CPT1A: variants seen among roughly 807,000 people sequenced by gnomAD.
CPT1A encodes the protein carnitine palmitoyltransferase 1A, also known as carnitine O-palmitoyltransferase 1, liver isoform.
A neutral mutation model predicts 100.8 loss-of-function variants in CPT1A; 64 were observed. The ratio of observed to expected loss-of-function variants is 0.63; its 90% CI spans 0.52 to 0.78. The LOEUF (loss-of-function observed/expected upper bound fraction) is 0.78. Among genes scored for constraint, CPT1A ranks in the 30% least tolerant of loss-of-function variants. The probability of loss-of-function intolerance (pLI) is 0.00; values close to 1 mark genes in which losing one functional copy is unlikely to be tolerated. For missense variants in CPT1A, 802 were observed against 1,034.1 expected (o/e 0.78, Z 3.08); for synonymous variants, 363 against 396.0 (o/e 0.92, Z 0.99).
At chr11:68,828,650 A>C (rs1856803065) in intron 1 of CPT1A, among the ~76,000 whole-genome samples, 1 of 152,206 alleles carries the variant, frequency 6.6e-6, no homozygotes, top group Non-Finnish European at 1.5e-5. Flanking sequence ...CAGGCCACCA[A>C]CACTGGGCAG....
rs143537796 is a variant in CPT1A at position 68,756,500 on chromosome 11, C to A, written c.*1144G>T. ...TGAGCCGGCATACTGTCTCCATCAC[C>A]CTCTGGTGAGTCTTTCCCCTCACCG... On this transcript the variant is annotated 3_prime_UTR_variant, in exon 19 of 19. Transcript: ENST00000265641. 6.6e-6 allele frequency: 1 copy of A among 152,354 alleles called. No individual in the cohort carries two copies. The highest frequency in any genetic ancestry group is 2.4e-5 in the African/African-American group (1 of 41,574). 9.4% of individuals were successfully genotyped at this position (152,354 alleles called of 1,614,324 possible).
chr11:68,843,581 T>C (rs1248859476), upstream of CPT1A, among the ~76,000 whole-genome samples: 1 of 152,202 alleles, frequency 6.6e-6, no homozygotes, highest in African/African-American at 2.4e-5. This position sits in a 1 kb window ranked among gnomAD's most constrained non-coding sequence, Gnocchi z 4.0. Flanking sequence ...GATTATGGAT[T>C]ATTTTAATCT....
At chr11:68,771,066 C>A (rs1854974664) in intron 14 of CPT1A, among the ~76,000 whole-genome samples, 1 of 152,198 alleles carries the variant, frequency 6.6e-6, no homozygotes, top group African/African-American at 2.4e-5. Context: ...CATTCCCACA[C>A]CTGGGCCACG....
Position 68,794,882 on chromosome 11 carries a change from A to C in CPT1A, c.801T>G (p.Ile267Met), listed in dbSNP as rs1276967795. ...TGGCGTTGCCGGCTCTTGCTGCCTG[A>C]ATGTGAGTTGGAAGGATATACAGCA... ...MDLLYILPTH[I>M]QAARAGNAIH... The change falls in exon 8 of 19, where the codon ATT becomes ATG. Residue 267 changes from isoleucine to methionine, a missense_variant. Physicochemically the swap from Ile to Met is conservative, Grantham distance 10. Transcript: ENST00000265641. 2.5e-6 allele frequency: 4 copies of C among 1,614,206 alleles called. No homozygotes were observed. The highest frequency in any genetic ancestry group is 3.4e-6 in the Non-Finnish European group (4 of 1,180,030).
intron 4 of CPT1A, among the ~76,000 whole-genome samples, chr11:68,807,255 G>A (rs1856069616): frequency 6.6e-6 from 1 of 152,154 alleles, no homozygotes; most frequent in Non-Finnish European, 1.5e-5. Flanking sequence ...AATGCTGCAG[G>A]TCTCACTAAT....
intron 14 of CPT1A, 105 bp from the exon 15 acceptor site, chr11:68,762,866 A>T: frequency 6.8e-7 from 1 of 1,466,708 alleles, no homozygotes; most frequent in Non-Finnish European, 9.4e-7. Context: ...CTTCATTGTC[A>T]ACATTTTTTT....
At chr11:68,829,018 T>A (rs1014463224) in intron 1 of CPT1A, among the ~76,000 whole-genome samples, 8 of 152,116 alleles carry the variant, frequency 5.3e-5, no homozygotes, top group Non-Finnish European at 1.2e-4. Flanking sequence ...TCCAAGCACG[T>A]CTTCACCCAG....
At position 68,829,524 on chromosome 11, in the gene CPT1A, G is replaced by A. The variant is rs77320030; in HGVS notation, c.-14+12251C>T. On this transcript the variant is annotated intron_variant, in intron 1 of 18. Transcript: ENST00000265641. ...GGCTAGAGGAGAGAACGCTTTTACT[G>A]GAAAGGCAGAAAAGAGGAGGAAGAA... is the stretch of plus-strand genomic sequence containing the variant. Among the ~76,000 whole-genome samples the A allele has an allele frequency of 2.6e-5, 4 of 152,234 alleles. No homozygotes were observed. In the East Asian group the frequency reaches 7.7e-4, roughly 29 times the overall value.
Position 68,795,458 on chromosome 11 carries a change from G to A in CPT1A, c.772-547C>T, listed in dbSNP as rs367602538. Among the ~76,000 whole-genome samples, 18 of 152,224 alleles carry A rather than the reference G, an allele frequency of 1.2e-4. No individual in the cohort carries two copies. In the South Asian group the frequency reaches 3.1e-3, roughly 26 times the overall value. ...GGGAAATAAACAAAGGTCTCCTGGC[G>A]GGAAGGGCATCAGATAAATAGCTCA... On this transcript the variant is annotated intron_variant, in intron 7 of 18. Coordinates refer to ENST00000265641, the MANE Select transcript of CPT1A (RefSeq NM_001876.4).
At chr11:68,784,768 C>T (rs754773844) in intron 10 of CPT1A, 47 bp downstream of exon 10, 109 of 1,563,384 alleles carry the variant, frequency 7.0e-5, no homozygotes, top group Middle Eastern at 2.0e-4. Context: ...TGAGGAAGAG[C>T]GCCTCCACCA....
intron 5 of CPT1A, among the ~76,000 whole-genome samples, chr11:68,802,261 G>A (rs1054503264): frequency 2.6e-5 from 4 of 151,878 alleles, no homozygotes; most frequent in Admixed American, 1.3e-4. Context: ...ATGGTTAACA[G>A]TACAATTCAT....
chr11:68,756,112 C>CAAAAAAAA lies in CPT1A; in HGVS notation c.*1524_*1531dup. The CAAAAAAAA allele has an allele frequency of 2.4e-5, 2 of 82,056 alleles. 1 individual carries two copies. The allele number at this position is 82,056 out of a possible 1,614,324, so 5.1% of individuals were successfully genotyped here. On this transcript the variant is annotated 3_prime_UTR_variant, in exon 19 of 19. Coordinates refer to ENST00000265641, the MANE Select transcript of CPT1A (RefSeq NM_001876.4). Reference sequence around the variant, plus strand: ...GGGCAACAAGAGTGAAACTCCATCTCAAAAAAAAAAAAAAAAAAAAAGGCA... The same window carrying CAAAAAAAA: ...GGGCAACAAGAGTGAAACTCCATCTCAAAAAAAAAAAAAAAAAAAAAAAAAAAAAGGCA...
chr11:68,761,901 G>A (rs1339319001), intron 15 of CPT1A, among the ~76,000 whole-genome samples: 3 of 151,374 alleles, frequency 2.0e-5, no homozygotes, highest in Admixed American at 6.6e-5. Flanking sequence ...GTGAGTCACC[G>A]CGCCCGGTCT....
intron 9 of CPT1A, among the ~76,000 whole-genome samples, chr11:68,788,358 GGAGGCC>G (rs1855519065): frequency 6.6e-6 from 1 of 152,160 alleles, no homozygotes; most frequent in African/African-American, 2.4e-5. Context: ...CAGCACTTTG[GGAGGCC>G]GAGGCGGGCG....
intron 4 of CPT1A, among the ~76,000 whole-genome samples, chr11:68,807,054 G>A (rs1856065405): frequency 6.6e-6 from 1 of 152,200 alleles, no homozygotes; most frequent in African/African-American, 2.4e-5. Context: ...CCCTTGGGCT[G>A]AGGGCCAAAG....
intron 1 of CPT1A, chr11:68,839,537 A>G (rs1038754979): frequency 7.2e-5 from 71 of 985,306 alleles, no homozygotes; most frequent in Non-Finnish European, 8.2e-5. Context: ...CGACAGCGGG[A>G]GAAATGCAAC....
rs921082273 is a variant in CPT1A, at chr11:68,841,325, A to G, written c.-14+450T>C. On this transcript the variant is annotated intron_variant, in intron 1 of 18. Coordinates refer to ENST00000265641, the MANE Select transcript of CPT1A (RefSeq NM_001876.4). The surrounding 1 kb of genome is among the most constrained non-coding windows in gnomAD (Gnocchi z 6.3). The stretch of plus-strand genomic sequence containing the variant: ...CGAAGGCATCCTGGAAAGCATCCAG[A>G]GCGTCCAGCATCCCTCCCGCGGCCA... 6.6e-6 allele frequency among the ~76,000 whole-genome samples: 1 copy of G among 151,168 alleles called. No homozygotes were observed. The highest frequency in any genetic ancestry group is 2.1e-4 in the South Asian group (1 of 4,794).
intron 9 of CPT1A, among the ~76,000 whole-genome samples, chr11:68,792,294 G>A (rs1212772055): frequency 2.6e-5 from 4 of 152,018 alleles, no homozygotes; most frequent in East Asian, 1.9e-4. Context: ...CCGAGATCGC[G>A]CCACTGCACT....
At chr11:68,776,254 C>A (rs1855136896) in intron 12 of CPT1A, among the ~76,000 whole-genome samples, 1 of 152,162 alleles carries the variant, frequency 6.6e-6, no homozygotes, top group African/African-American at 2.4e-5. Flanking sequence ...TAAAAATTAG[C>A]CAGGTGTGGT....
Sources: gnomAD v4.1 joint callset for allele counts (sites outside exome capture counted in the v4.1 genomes callset) on GRCh38, gnomAD v4.1.1 for gene constraint, Gnocchi (gnomAD v3.1) non-coding constraint, MANE v1.5 for transcripts, NCBI Gene and HGNC (gene_info 2026-07-23, HGNC 2026-07-21) for gene names.